Variants in ERG observed in about 807,000 individuals in gnomAD.
The protein encoded by ERG is transcriptional regulator ERG.
ERG carries 9 observed loss-of-function variants against 55.3 expected under a neutral mutation model. The observed-to-expected ratio is 0.16, with a 90% CI of 0.10 to 0.28. The LOEUF is 0.28. Ranked by LOEUF, ERG falls within the 10% of genes least tolerant of loss-of-function variation. The probability of loss-of-function intolerance (pLI) is 1.00; values close to 1 mark genes in which losing one functional copy is unlikely to be tolerated. For missense variants in ERG, 434 were observed against 631.6 expected, an observed-to-expected ratio of 0.69 and a Z score of 3.35; for synonymous variants, 223 against 237.3, an observed-to-expected ratio of 0.94 and a Z score of 0.55.
chr21:38,622,680 C>T (rs1475927767), intron 1 of ERG, among the ~76,000 whole-genome samples: 2 of 148,622 alleles, frequency 1.3e-5, no homozygotes, highest in Admixed American at 1.3e-4. Flanking sequence ...TACATACACA[C>T]CATACCACAC....
upstream of ERG, among the ~76,000 whole-genome samples, chr21:38,499,210 A>G (rs1261492008): frequency 1.3e-5 from 2 of 152,212 alleles, no homozygotes; most frequent in East Asian, 1.9e-4. Context: ...ATGTCCCGGA[A>G]TATCAGTGAG....
chr21:38,552,882 G>A (rs1223146363), intron 2 of ERG, among the ~76,000 whole-genome samples: 1 of 151,348 alleles, frequency 6.6e-6, no homozygotes, highest in Non-Finnish European at 1.5e-5. Context: ...CATCCAAATG[G>A]GAAGAGAGGA....
At chr21:38,415,397 T>C (rs539754538) in intron 3 of ERG, among the ~76,000 whole-genome samples, 140 of 152,224 alleles carry the variant, frequency 9.2e-4, no homozygotes, top group African/African-American at 3.0e-3. Context: ...GACTTGATTT[T>C]AGCCTCACAT....
chr21:38,660,955 G>T (rs1383551185), intron 1 of ERG, among the ~76,000 whole-genome samples: 3 of 152,040 alleles, frequency 2.0e-5, no homozygotes, highest in Non-Finnish European at 4.4e-5. Flanking sequence ...GACACTACGC[G>T]CCCTGCTCGG....
At chr21:38,648,311 C>T (rs189301427) in intron 1 of ERG, among the ~76,000 whole-genome samples, 34 of 152,272 alleles carry the variant, frequency 2.2e-4, no homozygotes, top group Middle Eastern at 3.4e-3. Context: ...TCAAATGGGG[C>T]CGCGATGCTA....
intron 3 of ERG, among the ~76,000 whole-genome samples, chr21:38,418,677 A>G (rs188240938): frequency 5.9e-5 from 9 of 152,098 alleles, no homozygotes; most frequent in African/African-American, 1.7e-4. Flanking sequence ...CTGTAATCCC[A>G]GCACTTTGGG....
At chr21:38,392,335 C>G (rs1310840927) in intron 7 of ERG, 41 bp downstream of exon 7, 5 of 1,496,536 alleles carry the variant, frequency 3.3e-6, no homozygotes, top group Non-Finnish European at 4.6e-6. Context: ...CATCCACTGC[C>G]TGTGACATGA....
At chr21:38,569,271 C>CAA (rs932324502) in intron 2 of ERG, among the ~76,000 whole-genome samples, 3 of 152,186 alleles carry the variant, frequency 2.0e-5, no homozygotes, top group Non-Finnish European at 4.4e-5. Flanking sequence ...TTCCTCATCG[C>CAA]AAAAGGGTGC....
intron 2 of ERG, among the ~76,000 whole-genome samples, chr21:38,569,746 G>GTT (rs200372189): frequency 1.2e-3 from 182 of 151,900 alleles, no homozygotes; most frequent in African/African-American, 4.3e-3. Context: ...GAGTTATGTG[G>GTT]TTTTTTTTCC....
chr21:38,633,095 G>A (rs1402058353), intron 1 of ERG, among the ~76,000 whole-genome samples: 1 of 152,068 alleles, frequency 6.6e-6, no homozygotes. Context: ...TGAACCTTGA[G>A]GACATTAAGC....
At chr21:38,409,418 G>T (rs561524319) in intron 3 of ERG, among the ~76,000 whole-genome samples, 2 of 151,462 alleles carry the variant, frequency 1.3e-5, no homozygotes, top group Admixed American at 1.3e-4. Flanking sequence ...AGGAGGCAGA[G>T]GTTGCGATAA....
intron 1 of ERG, among the ~76,000 whole-genome samples, chr21:38,448,474 G>C (rs1040852591): frequency 5.9e-5 from 9 of 152,150 alleles, no homozygotes; most frequent in African/African-American, 2.2e-4. Flanking sequence ...AAAAGACAGA[G>C]CAACCCAAAC....
At position 38,485,660 on chromosome 21, in the gene ERG, A is replaced by G. The variant is rs554499649; in HGVS notation, c.18+12703T>C. ...TTTTTAGTAGAGATGGGGTTTCACTATGTTGGCCAGGATGGTCTCGATCTC... is the reference window on the plus strand; with the variant it reads ...TTTTTAGTAGAGATGGGGTTTCACTGTGTTGGCCAGGATGGTCTCGATCTC... On this transcript the variant is annotated intron_variant, in intron 1 of 9. Coordinates refer to ENST00000288319, the MANE Select transcript of ERG (RefSeq NM_182918.4). Among the ~76,000 whole-genome samples the G allele has an allele frequency of 1.9e-3, 294 of 151,226 alleles. 1 individual carries two copies. Among genetic ancestry groups the G allele is most frequent in the African/African-American group, 6.8e-3 (278 of 41,058 alleles).
At chr21:38,541,988 TTTTG>T (rs931512250) in intron 2 of ERG, among the ~76,000 whole-genome samples, 83 of 151,874 alleles carry the variant, frequency 5.5e-4, no homozygotes, top group Non-Finnish European at 7.9e-4. Flanking sequence ...TCTACACTGT[TTTTG>T]TTTGTTTGTT....
chr21:38,470,388 TTA>T (rs2059128972), intron 1 of ERG, among the ~76,000 whole-genome samples: 2 of 152,210 alleles, frequency 1.3e-5, no homozygotes, highest in Admixed American at 1.3e-4. Context: ...ATCAGGGATC[TTA>T]TATGCTGATC....
intron 2 of ERG, among the ~76,000 whole-genome samples, chr21:38,441,734 G>T (rs2252210): frequency 0.45 from 67,763 of 151,958 alleles, 15,976 homozygotes; most frequent in East Asian, 0.64. Context: ...CTTGGTGACT[G>T]GTTGACATCT....
At chr21:38,558,989 G>T (rs1021234774) in intron 2 of ERG, among the ~76,000 whole-genome samples, 1 of 152,182 alleles carries the variant, frequency 6.6e-6, no homozygotes, top group African/African-American at 2.4e-5. Flanking sequence ...AAGGAGAGGG[G>T]AAGTGATGGC....
intron 2 of ERG, among the ~76,000 whole-genome samples, chr21:38,520,627 C>T (rs1396083568): frequency 6.6e-6 from 1 of 152,130 alleles, no homozygotes; most frequent in Non-Finnish European, 1.5e-5. Context: ...CAAAGGAAAG[C>T]TGGGATAACC....
chr21:38,506,568 CTTA>C (rs947045086), intron 2 of ERG, among the ~76,000 whole-genome samples: 6 of 152,144 alleles, frequency 3.9e-5, no homozygotes, highest in Non-Finnish European at 7.4e-5. Context: ...TGAAAATAAT[CTTA>C]TTATACATTT....
Sources: gnomAD v4.1 joint callset for allele counts (sites outside exome capture counted in the v4.1 genomes callset) on GRCh38, gnomAD v4.1.1 for gene constraint, MANE v1.5 for transcripts, NCBI Gene and HGNC (gene_info 2026-07-23, HGNC 2026-07-21) for gene names.